Variants in WARS1 observed in about 807,000 individuals in gnomAD.
WARS1 encodes the protein tryptophanyl-tRNA synthetase 1, also known as tryptophan--tRNA ligase, cytoplasmic.
Under a neutral mutation model 47.8 loss-of-function variants are expected in WARS1, and 17 were observed. The observed-to-expected ratio is 0.36, with a 90% CI of 0.24 to 0.53. The LOEUF is 0.53. WARS1 is among the 20% of genes least tolerant of loss of function. The pLI, the probability that WARS1 is intolerant of heterozygous loss-of-function variation, is 0.91. For synonymous variants in WARS1, 208 were observed against 228.1 expected, an observed-to-expected ratio of 0.91 and a Z score of 0.79; for missense variants, 434 against 608.0, an observed-to-expected ratio of 0.71 and a Z score of 3.01.
chr14:100,348,192 C>T (rs531877933), intron 6 of WARS1, among the ~76,000 whole-genome samples: 15 of 152,340 alleles, frequency 9.8e-5, no homozygotes, highest in African/African-American at 2.6e-4. Context: ...ATGCTTTTCT[C>T]ACCACATCTT....
At chr14:100,358,245 G>C (rs1041195615) in intron 4 of WARS1, among the ~76,000 whole-genome samples, 1 of 152,014 alleles carries the variant, frequency 6.6e-6, no homozygotes, top group Non-Finnish European at 1.5e-5. Context: ...CCATTCTCCT[G>C]CCTCAGCCTC....
chr14:100,359,881 G>A lies in WARS1; in HGVS notation c.422+673C>T, dbSNP rs186773815. Among the ~76,000 whole-genome samples the A allele has an allele frequency of 4.6e-5, 7 of 152,298 alleles. No individual in the cohort carries two copies. In the East Asian group the frequency reaches 1.3e-3, roughly 29 times the overall value. Reference sequence around the variant, plus strand: ...TTTGCAGGTAGAATTTGAAGTGTTTGGGCAGACTGCTGGGCTCTGTCCTGG... The same window carrying A: ...TTTGCAGGTAGAATTTGAAGTGTTTAGGCAGACTGCTGGGCTCTGTCCTGG... On this transcript the variant is annotated intron_variant, in intron 4 of 10. Coordinates refer to ENST00000392882, the MANE Select transcript of WARS1 (RefSeq NM_004184.4).
At chr14:100,344,875 C>T (rs1157539015) in intron 7 of WARS1, among the ~76,000 whole-genome samples, 2 of 150,736 alleles carry the variant, frequency 1.3e-5, no homozygotes, top group African/African-American at 4.9e-5. Flanking sequence ...GTGAGGAGCC[C>T]CTCCACCCGG....
chr14:100,364,907 GT>G (rs1330809779), intron 2 of WARS1, among the ~76,000 whole-genome samples: 1 of 152,114 alleles, frequency 6.6e-6, no homozygotes, highest in Non-Finnish European at 1.5e-5. Flanking sequence ...TACCTGGTGA[GT>G]AAATCTCTTT....
At chr14:100,335,186 A>G (rs753439911) in intron 10 of WARS1, 150 bp from the exon 11 acceptor site, 30 of 679,514 alleles carry the variant, frequency 4.4e-5, no homozygotes, top group Non-Finnish European at 7.1e-5. Context: ...TACCACAACA[A>G]TAACCTATAC....
chr14:100,368,413 C>T lies in WARS1; in HGVS notation c.99+674G>A, dbSNP rs562546586. The T allele has an allele frequency of 1.6e-4, 71 of 455,966 alleles. 1 individual carries two copies. The highest frequency in any genetic ancestry group is 4.6e-4 in the South Asian group (30 of 64,556). The allele number at this position is 455,966 out of a possible 1,614,324, so 28.2% of individuals were successfully genotyped here. On this transcript the variant is annotated intron_variant, in intron 2 of 10. Coordinates refer to ENST00000392882, the MANE Select transcript of WARS1 (RefSeq NM_004184.4). Reference sequence around the variant, plus strand: ...AATACAGATGGGGAGACTGCCTGGACGGGAAGTGGTTGTGAAGGTACGAAT... The same window carrying T: ...AATACAGATGGGGAGACTGCCTGGATGGGAAGTGGTTGTGAAGGTACGAAT...
chr14:100,359,333 C>T (rs55869502), intron 4 of WARS1, among the ~76,000 whole-genome samples: 53,541 of 152,030 alleles, frequency 0.35, 11,758 homozygotes, highest in South Asian at 0.66. Context: ...TATTATTTGG[C>T]AATAAAAAGG....
chr14:100,374,311 C>A (rs1320650365), intron 1 of WARS1: 1 of 152,198 alleles, frequency 6.6e-6, no homozygotes, highest in African/African-American at 2.4e-5. Flanking sequence ...ACTCTATTAT[C>A]TTCCCTAAAC....
intron 6 of WARS1, among the ~76,000 whole-genome samples, chr14:100,349,219 G>A (rs906081201): frequency 8.5e-5 from 13 of 152,194 alleles, no homozygotes; most frequent in Non-Finnish European, 1.9e-4. Context: ...TGCAGTGCAG[G>A]CACTATCATC....
intron 2 of WARS1, among the ~76,000 whole-genome samples, chr14:100,367,235 G>A (rs1252748963): frequency 6.6e-6 from 1 of 152,030 alleles, no homozygotes; most frequent in Non-Finnish European, 1.5e-5. Context: ...TCTGTGAAGA[G>A]AGAAAACAGA....
At chr14:100,367,109 T>C (rs530099293) in intron 2 of WARS1, among the ~76,000 whole-genome samples, 40 of 151,748 alleles carry the variant, frequency 2.6e-4, no homozygotes, top group African/African-American at 9.2e-4. Context: ...GGCAGAGTGC[T>C]GTGAGGAAAC....
intron 2 of WARS1, chr14:100,366,140 G>A (rs1595457287): frequency 1.1e-5 from 5 of 455,860 alleles, no homozygotes; most frequent in East Asian, 1.4e-4. Context: ...CTGCACAGTT[G>A]GGGCACTGGC....
At chr14:100,353,007 C>T (rs181536597) in intron 6 of WARS1, 2 of 152,346 alleles carry the variant, frequency 1.3e-5, no homozygotes, top group Non-Finnish European at 2.9e-5. Context: ...GAAGACATAA[C>T]TCTGGAAGAC....
chr14:100,337,029 G>A (rs777655348), intron 10 of WARS1, 33 bp downstream of exon 10: 69 of 1,600,282 alleles, frequency 4.3e-5, no homozygotes, highest in Non-Finnish European at 5.2e-5. Flanking sequence ...GGTGGCAGAA[G>A]GCGGCTGTGG....
intron 2 of WARS1, among the ~76,000 whole-genome samples, chr14:100,365,013 T>C (rs1180977643): frequency 4.6e-5 from 7 of 152,052 alleles, no homozygotes; most frequent in African/African-American, 1.7e-4. Context: ...GCATCTATAA[T>C]TCCAGCAACT....
At chr14:100,368,422 G>C (rs368497846) in intron 2 of WARS1, 5 of 455,934 alleles carry the variant, frequency 1.1e-5, no homozygotes, top group South Asian at 6.2e-5. Flanking sequence ...ACGGGAAGTG[G>C]TTGTGAAGGT....
chr14:100,334,889 A>C lies in WARS1; in HGVS notation c.1402T>G (p.Phe468Val). Reference protein sequence around the residue: ...KEFMTPRKLSFDFQ With the variant: ...KEFMTPRKLSVDFQ ...TAAAACGAGTGCTACTGAAAGTCGA[A>C]GGACAGCTTCCGGGGAGTCATGAAC... Residue 468 changes from phenylalanine (F) to valine (V), a missense_variant, in exon 11 of 11, where the codon TTC becomes GTC. Phe to Val is a conservative substitution (Grantham distance 50, BLOSUM62 -1). Around this residue, in one of 2 missense-constraint regions of WARS1, gnomAD observed 347 missense variants for 523.8 expected, o/e 0.66. Transcript: ENST00000392882. 1 of 1,614,012 alleles carries C rather than the reference A, an allele frequency of 6.2e-7. No individual in the cohort carries two copies. Among genetic ancestry groups the C allele is most frequent in the Non-Finnish European group, 8.5e-7 (1 of 1,179,902 alleles).
Position 100,334,822 on chromosome 14 carries a change from A to G in WARS1, c.*53T>C. ...GCGGTGCTTTGACTGGGCTGGGATT[A>G]TTGATACATTACTGATACATCACTT... On this transcript the variant is annotated 3_prime_UTR_variant, in exon 11 of 11. Coordinates refer to ENST00000392882, the MANE Select transcript of WARS1 (RefSeq NM_004184.4). 1 of 1,591,848 alleles carries G rather than the reference A, an allele frequency of 6.3e-7. No individual in the cohort carries two copies. Among genetic ancestry groups the G allele is most frequent in the Non-Finnish European group, 8.6e-7 (1 of 1,165,624 alleles).
intron 8 of WARS1, 51 bp downstream of exon 8, chr14:100,343,223 AC>A: frequency 6.7e-7 from 1 of 1,482,950 alleles, no homozygotes; most frequent in African/African-American, 1.4e-5. Flanking sequence ...AGTAAGAGGA[AC>A]CTGCTGTCAA....
Sources: gnomAD v4.1 joint callset for allele counts (sites outside exome capture counted in the v4.1 genomes callset) on GRCh38, gnomAD v4.1.1 for gene constraint, gnomAD v4.1.1 regional missense constraint, MANE v1.5 for transcripts, NCBI Gene and HGNC (gene_info 2026-07-23, HGNC 2026-07-21) for gene names.